The following WDR72 variants were observed in gnomAD, a reference collection of about 807,000 sequenced individuals.
WDR72 encodes the protein WD repeat-containing protein 72.
A neutral mutation model predicts 124.2 loss-of-function variants in WDR72; 120 were observed. The observed-to-expected ratio is 0.97, with a 90% CI of 0.83 to 1.12. The LOEUF (loss-of-function observed/expected upper bound fraction) is 1.12. WDR72 is among the 50% of genes most tolerant of loss of function. WDR72 has a pLI of 0.00. For missense variants in WDR72, 1,387 were observed against 1,278.8 expected, an observed-to-expected ratio of 1.08 and a Z score of -1.29; for synonymous variants, 452 against 441.7, an observed-to-expected ratio of 1.02 and a Z score of -0.29.
intron 18 of WDR72, among the ~76,000 whole-genome samples, chr15:53,539,583 G>A (rs552799692): frequency 1.3e-5 from 2 of 151,806 alleles, no homozygotes; most frequent in African/African-American, 4.8e-5. Flanking sequence ...TAATAGTTGA[G>A]GGCTAACTGG....
rs770969418 is a variant in WDR72, at chr15:53,711,448, T to G, written c.745A>C (p.Thr249Pro). The G allele has an allele frequency of 1.2e-6, 2 of 1,614,010 alleles. No homozygotes were observed. Among genetic ancestry groups the G allele is most frequent in the Non-Finnish European group, 1.7e-6 (2 of 1,180,012 alleles). Residue 249 changes from threonine to proline, a missense_variant, in exon 8 of 20, where the codon ACT (threonine) becomes CCT (proline). Coordinates refer to ENST00000360509, the MANE Select transcript of WDR72 (RefSeq NM_182758.4). ...YDYCDFSLLL[T>P]EVSRNGQFFA... The stretch of plus-strand genomic sequence containing the variant: ...AACTGCCCATTTCTACTAACTTCAG[T>G]CAGCAGAAGGGAAAAATCACAATAA...
chr15:53,530,577 C>T (rs1892394222), intron 18 of WDR72, among the ~76,000 whole-genome samples: 1 of 151,788 alleles, frequency 6.6e-6, no homozygotes, highest in Admixed American at 6.6e-5. Flanking sequence ...TAAATAGATA[C>T]CCACATATTG....
intron 2 of WDR72, among the ~76,000 whole-genome samples, chr15:53,726,281 TATATAC>T (rs1567051210): frequency 8.5e-6 from 1 of 118,270 alleles, no homozygotes; most frequent in Non-Finnish European, 1.6e-5. Context: ...TATATATATA[TATATAC>T]ACACACACAC....
At chr15:53,529,160 A>T (rs1170801242) in intron 18 of WDR72, among the ~76,000 whole-genome samples, 6 of 51,180 alleles carry the variant, frequency 1.2e-4, no homozygotes, top group African/African-American at 2.5e-4. Context: ...ATATATATAT[A>T]TATATTTTTT....
At chr15:53,681,370 C>A (rs1304169754) in intron 13 of WDR72, among the ~76,000 whole-genome samples, 1 of 152,092 alleles carries the variant, frequency 6.6e-6, no homozygotes, top group Non-Finnish European at 1.5e-5. Flanking sequence ...ATATAAAATG[C>A]TTGAAGAAAG....
chr15:53,679,635 T>C (rs1455942811), intron 13 of WDR72, among the ~76,000 whole-genome samples: 2 of 152,130 alleles, frequency 1.3e-5, no homozygotes, highest in Non-Finnish European at 1.5e-5. Context: ...CAGTGAGGTA[T>C]AGGAAGAAGA....
At chr15:53,729,676 T>C (rs1266752217) in intron 2 of WDR72, among the ~76,000 whole-genome samples, 1 of 152,156 alleles carries the variant, frequency 6.6e-6, no homozygotes, top group Non-Finnish European at 1.5e-5. Flanking sequence ...ATTGCCTGTG[T>C]TTGCAAACTC....
At chr15:53,694,154 A>G (rs1367527530) in intron 13 of WDR72, among the ~76,000 whole-genome samples, 3 of 152,206 alleles carry the variant, frequency 2.0e-5, no homozygotes, top group Admixed American at 2.0e-4. Context: ...GGAAGAAGCC[A>G]GCCCAGTTCT....
intron 18 of WDR72, among the ~76,000 whole-genome samples, chr15:53,547,108 G>A (rs1416764589): frequency 6.6e-6 from 1 of 152,194 alleles, no homozygotes; most frequent in Non-Finnish European, 1.5e-5. Context: ...AGAAACATCA[G>A]TGATTTCCCA....
chr15:53,608,250 T>A (rs74501552), intron 17 of WDR72, among the ~76,000 whole-genome samples: 2,398 of 152,248 alleles, frequency 0.016, 42 homozygotes, highest in East Asian at 0.076. Context: ...GGAAGCAACC[T>A]AAGTATTTGG....
intron 18 of WDR72, among the ~76,000 whole-genome samples, chr15:53,552,499 T>G (rs1399732306): frequency 6.6e-6 from 1 of 152,198 alleles, no homozygotes; most frequent in African/African-American, 2.4e-5. Flanking sequence ...ATTGAAGCAG[T>G]CTCAATCTTC....
intron 18 of WDR72, among the ~76,000 whole-genome samples, chr15:53,583,166 A>C (rs2012021894): frequency 6.6e-6 from 1 of 151,960 alleles, no homozygotes. Flanking sequence ...CATCATAGTA[A>C]AGCTATGCAA....
chr15:53,573,668 C>G (rs776447941), intron 18 of WDR72, among the ~76,000 whole-genome samples: 3 of 152,074 alleles, frequency 2.0e-5, no homozygotes, highest in Non-Finnish European at 4.4e-5. Flanking sequence ...GCCTCAGCCT[C>G]CTGAGTAGTT....
intron 13 of WDR72, among the ~76,000 whole-genome samples, chr15:53,692,253 A>C (rs1409492660): frequency 6.6e-6 from 1 of 152,170 alleles, no homozygotes; most frequent in South Asian, 2.1e-4. Context: ...TTCCCTGATT[A>C]CACTGAAAGC....
intron 2 of WDR72, among the ~76,000 whole-genome samples, chr15:53,723,643 C>T (rs551706288): frequency 1.3e-5 from 2 of 152,290 alleles, no homozygotes; most frequent in South Asian, 2.1e-4. Flanking sequence ...TGCCCCACAC[C>T]CCATGCCCCA....
rs775668260 is a variant in WDR72 at position 53,715,363 on chromosome 15, T to G, written c.344A>C (p.Tyr115Ser). Residue 115 changes from tyrosine to serine, a missense_variant, in exon 5 of 20, where the codon TAC becomes TCC. Transcript: ENST00000360509. ...TCCTGTCATCCGGAATGAGCAGTGGTAATACTACGTACATGGAAAGCAAAG... is the reference window on the plus strand; with the variant it reads ...TCCTGTCATCCGGAATGAGCAGTGGGAATACTACGTACATGGAAAGCAAAG... The part of the protein sequence containing the change: ...LPYRHTAICY[Y>S]HCSFRMTGEG... 1.2e-6 allele frequency: 2 copies of G among 1,614,108 alleles called. No individual in the cohort carries two copies. Among genetic ancestry groups the G allele is most frequent in the Non-Finnish European group, 1.7e-6 (2 of 1,179,974 alleles).
rs142584424 is a variant in WDR72 at position 53,672,427 on chromosome 15, T to C, written c.1766-6659A>G. Among the ~76,000 whole-genome samples the C allele has an allele frequency of 9.2e-4, 140 of 152,308 alleles. 1 individual carries two copies. Among genetic ancestry groups the C allele is most frequent in the African/African-American group, 3.3e-3 (138 of 41,568 alleles). Reference sequence around the variant, plus strand: ...AAGAAGGAAGATTCTGAAACTGCTGTAAATCAGTATGTTGCTAAAATACAG... The same window carrying C: ...AAGAAGGAAGATTCTGAAACTGCTGCAAATCAGTATGTTGCTAAAATACAG... On this transcript the variant is annotated intron_variant, in intron 13 of 19. Coordinates refer to ENST00000360509, the MANE Select transcript of WDR72 (RefSeq NM_182758.4).
intron 18 of WDR72, among the ~76,000 whole-genome samples, chr15:53,574,037 C>G (rs1174162630): frequency 6.6e-6 from 1 of 152,140 alleles, no homozygotes; most frequent in Non-Finnish European, 1.5e-5. Context: ...ATGTGACGAT[C>G]TCTTATAAAA....
At chr15:53,523,361 G>T (rs770386594) in intron 18 of WDR72, 39 bp from the exon 19 acceptor site, 1 of 1,516,976 alleles carries the variant, frequency 6.6e-7, no homozygotes, top group African/African-American at 1.4e-5. Flanking sequence ...AGACAGAAGA[G>T]AGAGGATGAA....
Sources: allele counts gnomAD v4.1 joint callset (sites outside exome capture counted in the v4.1 genomes callset), GRCh38; gene constraint gnomAD v4.1.1; transcripts MANE v1.5; gene names NCBI Gene and HGNC (gene_info 2026-07-23, HGNC 2026-07-21).